Variants in CARF observed in about 807,000 individuals in gnomAD.
CARF encodes the protein calcium responsive transcription factor, also known as calcium-responsive transcription factor.
CARF carries 57 observed loss-of-function variants against 82.0 expected under a neutral mutation model. That is an observed-to-expected ratio of 0.70 (90% CI 0.56 to 0.87). The LOEUF (loss-of-function observed/expected upper bound fraction) is 0.87. CARF is among the 40% of genes least tolerant of loss of function. CARF has a pLI of 0.00. For missense variants in CARF, 771 were observed against 855.8 expected (o/e 0.90, Z 1.24); for synonymous variants, 268 against 290.1 (o/e 0.92, Z 0.77).
At chr2:202,972,849 G>C (rs903198129) in intron 12 of CARF, among the ~76,000 whole-genome samples, 24 of 152,122 alleles carry the variant, frequency 1.6e-4, no homozygotes, top group African/African-American at 5.3e-4. Context: ...GGCATGAATA[G>C]GTTCTCGAAA....
Position 202,968,350 on chromosome 2 carries a change from C to T in CARF, c.953+1252C>T, listed in dbSNP as rs182700784. Among the ~76,000 whole-genome samples, 64 of 152,104 alleles carry T rather than the reference C, an allele frequency of 4.2e-4. No homozygotes were observed. In the South Asian group the frequency reaches 0.012, roughly 30 times the overall value. On this transcript the variant is annotated intron_variant, in intron 10 of 16. Coordinates refer to ENST00000438828, the MANE Select transcript of CARF (RefSeq NM_024744.17). ...CCAGGAAACGGAGGTTGCAGTGAGC[C>T]GAGACTGCGCCACTGCACTCCAGCC...
chr2:202,958,639 C>T (rs962697001), intron 8 of CARF, among the ~76,000 whole-genome samples: 9 of 151,956 alleles, frequency 5.9e-5, no homozygotes, highest in African/African-American at 9.7e-5. Context: ...TGGCTGGGTG[C>T]GGTGGCTCAC....
At chr2:202,936,291 G>A (rs1273194113) in intron 3 of CARF, among the ~76,000 whole-genome samples, 1 of 152,072 alleles carries the variant, frequency 6.6e-6, no homozygotes, top group African/African-American at 2.4e-5. Context: ...TAATTGAGGT[G>A]AAATTCATAT....
chr2:202,930,665 GTTAAGT>G (rs1692719600), intron 3 of CARF, among the ~76,000 whole-genome samples: 2 of 151,966 alleles, frequency 1.3e-5, no homozygotes, highest in South Asian at 2.1e-4. Context: ...CTTGTTTCTT[GTTAAGT>G]TTAAGACCAT....
chr2:202,958,249 A>ATGTGTGTGTGTGTGTGTGTGTGTGTGTG (rs71034206), intron 8 of CARF, among the ~76,000 whole-genome samples: 1 of 139,930 alleles, frequency 7.1e-6, no homozygotes, highest in Non-Finnish European at 1.5e-5. Flanking sequence ...ATATACATAT[A>ATGTGTGTGTGTGTGTGTGTGTGTGTGTG]TGTGTGTGTG....
intron 14 of CARF, among the ~76,000 whole-genome samples, chr2:202,980,619 T>C (rs1338254078): frequency 1.2e-4 from 4 of 32,744 alleles, no homozygotes; most frequent in Non-Finnish European, 2.8e-4. Context: ...CTTTCAAGTA[T>C]ATATATATAT....
chr2:202,970,377 T>G (rs1260469564), intron 11 of CARF, among the ~76,000 whole-genome samples: 2 of 152,198 alleles, frequency 1.3e-5, no homozygotes, highest in Non-Finnish European at 2.9e-5. Context: ...TATTATATAT[T>G]TAGTACTTTG....
At position 202,983,828 on chromosome 2, in the gene CARF, A is replaced by C. The variant is rs1400080138; in HGVS notation, c.*204A>C. ...TGTTTTACTCTTCTTATTTTGTATAATTTTTATGCTCTTTGATTATCTAAT... is the reference window on the plus strand; with the variant it reads ...TGTTTTACTCTTCTTATTTTGTATACTTTTTATGCTCTTTGATTATCTAAT... On this transcript the variant is annotated 3_prime_UTR_variant, in exon 17 of 17. Transcript: ENST00000438828. 2.1e-6 allele frequency: 1 copy of C among 484,308 alleles called. No individual in the cohort carries two copies. 30.0% of individuals were successfully genotyped at this position (484,308 alleles called of 1,614,324 possible).
chr2:202,981,999 G>T (rs1320052833), intron 15 of CARF, 73 bp from the exon 16 acceptor site: 4 of 1,463,644 alleles, frequency 2.7e-6, no homozygotes, highest in Non-Finnish European at 3.7e-6. Flanking sequence ...TTTGTCAAAA[G>T]AATTGTATAT....
At chr2:202,952,808 G>T (rs1240230674) in intron 6 of CARF, 129 bp downstream of exon 6, 16 of 899,616 alleles carry the variant, frequency 1.8e-5, no homozygotes, top group Non-Finnish European at 2.5e-5. Flanking sequence ...TAAATAATTA[G>T]AAAACAGCTC....
intron 3 of CARF, among the ~76,000 whole-genome samples, chr2:202,938,615 C>T (rs1172299161): frequency 3.7e-4 from 39 of 105,070 alleles, no homozygotes; most frequent in African/African-American, 1.5e-3. Context: ...CTTTCACTCT[C>T]TTTTCTGAAA....
chr2:202,980,044 G>A (rs754734434), intron 14 of CARF, among the ~76,000 whole-genome samples: 12 of 152,090 alleles, frequency 7.9e-5, no homozygotes, highest in Non-Finnish European at 1.6e-4. Context: ...TGTATCCTCT[G>A]CCTCCTGGGC....
chr2:202,967,093 A>G lies in CARF; in HGVS notation c.948A>G (p.Pro316=). 1 of 1,610,674 alleles carries G rather than the reference A, an allele frequency of 6.2e-7. No homozygotes were observed. The highest frequency in any genetic ancestry group is 8.5e-7 in the Non-Finnish European group (1 of 1,179,206). Reference sequence around the variant, plus strand: ...GTCAGCTCTACAAAGCCACTTGTCCAGCTCGGTAAGCTTTATTTTCTTTTA... The same window carrying G: ...GTCAGCTCTACAAAGCCACTTGTCCGGCTCGGTAAGCTTTATTTTCTTTTA... ...RSCQLYKATC[P]ARIYIKKVQK... The change falls in exon 10 of 17, where the codon CCA becomes CCG. Residue 316 remains proline, a synonymous_variant. Transcript: ENST00000438828.
intron 2 of CARF, among the ~76,000 whole-genome samples, chr2:202,918,460 G>C (rs2105941331): frequency 6.6e-6 from 1 of 152,306 alleles, no homozygotes; most frequent in East Asian, 1.9e-4. Context: ...GGCGGAGCTT[G>C]CAGTGAGCCG....
intron 12 of CARF, among the ~76,000 whole-genome samples, chr2:202,972,977 A>G (rs1256287738): frequency 2.0e-5 from 3 of 152,046 alleles, no homozygotes; most frequent in Admixed American, 2.0e-4. Context: ...GGGTCTTGCT[A>G]TGTTGCCCAG....
rs189561172 is a variant in CARF at position 202,986,198 on chromosome 2, A to G, written c.*2574A>G. On this transcript the variant is annotated 3_prime_UTR_variant, in exon 17 of 17. Coordinates refer to ENST00000438828, the MANE Select transcript of CARF (RefSeq NM_024744.17). ...TTTCTAAATTAGATTTTAAAAATTC[A>G]TTGTCATCTAAATGCATGTTTAGTC... is the stretch of plus-strand genomic sequence containing the variant. 37 of 152,140 alleles carry G rather than the reference A, an allele frequency of 2.4e-4. No homozygotes were observed. Among genetic ancestry groups the G allele is most frequent in the African/African-American group, 8.2e-4 (34 of 41,454 alleles). The allele number at this position is 152,140 out of a possible 1,614,324, so 9.4% of individuals were successfully genotyped here.
chr2:202,949,822 T>A (rs991802287), intron 5 of CARF, among the ~76,000 whole-genome samples: 1 of 152,090 alleles, frequency 6.6e-6, no homozygotes, highest in African/African-American at 2.4e-5. Context: ...AGTGCTGGGA[T>A]TACAGGCGTG....
Position 202,955,728 on chromosome 2 carries a change from T to C in CARF, c.612T>C (p.Pro204=). The change falls in exon 8 of 17, where the codon CCT becomes CCC. Residue 204 remains proline (P), a synonymous_variant. Coordinates refer to ENST00000438828, the MANE Select transcript of CARF (RefSeq NM_024744.17). ...GPLQPLSSNT[P]IWACRLRSCE... ...TTCAGCCACTTTCTTCTAATACACC[T>C]ATATGGGCCTGCCGTCTTAGGAGCT... 4 of 1,612,284 alleles carry C rather than the reference T, an allele frequency of 2.5e-6. No homozygotes were observed. Among genetic ancestry groups the C allele is most frequent in the Non-Finnish European group, 3.4e-6 (4 of 1,178,994 alleles).
chr2:202,982,146 C>T lies in CARF; in HGVS notation c.1764C>T (p.Ser588=). 6.2e-7 allele frequency: 1 copy of T among 1,614,156 alleles called. No individual in the cohort carries two copies. Among genetic ancestry groups the T allele is most frequent in the Non-Finnish European group, 8.5e-7 (1 of 1,179,994 alleles). The change falls in exon 16 of 17, where the codon TCC becomes TCT. Residue 588 remains serine (S), a synonymous_variant. Coordinates refer to ENST00000438828, the MANE Select transcript of CARF (RefSeq NM_024744.17). The stretch of plus-strand genomic sequence containing the variant: ...TGGTATCAGTAAATAACCAGCCGTC[C>T]TCTAGTCCTTCAGGACTTCTGGATA... ...PAVVSVNNQP[S]SSPSGLLDTI... is the part of the protein sequence containing the mutation.
Sources: allele counts gnomAD v4.1 joint callset (sites outside exome capture counted in the v4.1 genomes callset), GRCh38; gene constraint gnomAD v4.1.1; transcripts MANE v1.5; gene names NCBI Gene and HGNC (gene_info 2026-07-23, HGNC 2026-07-21).